NPAS3: variants seen among roughly 807,000 people sequenced by gnomAD.
NPAS3 encodes neuronal PAS domain protein 3.
In NPAS3, 14 loss-of-function variants were observed where a neutral mutation model predicts 73.1. The observed-to-expected ratio is 0.19, with a 90% CI of 0.13 to 0.30. The LOEUF is 0.30. Ranked by LOEUF, NPAS3 falls within the 10% of genes least tolerant of loss-of-function variation. NPAS3 has a pLI of 1.00. For missense variants in NPAS3, 1,096 were observed against 1,250.0 expected, an observed-to-expected ratio of 0.88 and a Z score of 1.86; for synonymous variants, 620 against 541.5, an observed-to-expected ratio of 1.14 and a Z score of -2.01.
At chr14:33,704,770 G>C (rs569277392) in intron 6 of NPAS3, among the ~76,000 whole-genome samples, 1 of 152,186 alleles carries the variant, frequency 6.6e-6, no homozygotes, top group Non-Finnish European at 1.5e-5. Context: ...GCGGCTTGAC[G>C]TGCACCAAGG....
At chr14:32,970,097 TTTTA>T (rs1369278273) in intron 1 of NPAS3, among the ~76,000 whole-genome samples, 1 of 152,172 alleles carries the variant, frequency 6.6e-6, no homozygotes, top group Non-Finnish European at 1.5e-5. Context: ...AGGAAAATGA[TTTTA>T]TAAACCTCTA....
chr14:33,384,121 A>G (rs1274285166), intron 4 of NPAS3, among the ~76,000 whole-genome samples: 1 of 151,944 alleles, frequency 6.6e-6, no homozygotes, highest in East Asian at 1.9e-4. Context: ...TTAAAACACC[A>G]ATTAGAAATG....
At chr14:33,534,844 G>A (rs1166683878) in intron 4 of NPAS3, among the ~76,000 whole-genome samples, 1 of 152,066 alleles carries the variant, frequency 6.6e-6, no homozygotes, top group Non-Finnish European at 1.5e-5. Context: ...GGGGCACAGT[G>A]GAATGGGGGA....
intron 5 of NPAS3, among the ~76,000 whole-genome samples, chr14:33,620,024 G>A (rs2058033683): frequency 6.6e-6 from 1 of 152,102 alleles, no homozygotes; most frequent in South Asian, 2.1e-4. Flanking sequence ...TCAGCTTGTG[G>A]TGTTTATTTT....
intron 2 of NPAS3, among the ~76,000 whole-genome samples, chr14:33,101,198 G>A (rs113566489): frequency 1.3e-4 from 20 of 152,210 alleles, no homozygotes; most frequent in African/African-American, 4.6e-4. Flanking sequence ...GCATTTCTGA[G>A]TGTTTGCCAA....
chr14:33,016,525 T>TA (rs2039399257), intron 1 of NPAS3, among the ~76,000 whole-genome samples: 1 of 149,310 alleles, frequency 6.7e-6, no homozygotes, highest in Non-Finnish European at 1.5e-5. Context: ...AGTGGTTGTC[T>TA]AAGCATCACA....
chr14:32,973,017 CTTCT>C (rs1036808590), intron 1 of NPAS3, among the ~76,000 whole-genome samples: 6 of 152,202 alleles, frequency 3.9e-5, no homozygotes, highest in African/African-American at 1.2e-4. Context: ...GTCACATTGC[CTTCT>C]TTCTTATATC....
chr14:33,714,620 A>G (rs2060910939), intron 6 of NPAS3, among the ~76,000 whole-genome samples: 1 of 152,176 alleles, frequency 6.6e-6, no homozygotes, highest in African/African-American at 2.4e-5. Flanking sequence ...AGTACTAACT[A>G]TATTTTCTTT....
chr14:33,523,045 C>G (rs1443919417), intron 4 of NPAS3, among the ~76,000 whole-genome samples: 1 of 152,096 alleles, frequency 6.6e-6, no homozygotes, highest in Non-Finnish European at 1.5e-5. Flanking sequence ...TAGTCTGAGC[C>G]ACACACTCTT....
chr14:33,443,735 C>G (rs2049354842), intron 4 of NPAS3, among the ~76,000 whole-genome samples: 1 of 152,164 alleles, frequency 6.6e-6, no homozygotes. Flanking sequence ...AGTTTGCAGG[C>G]AAATGTCTGA....
chr14:33,473,455 G>A (rs1404523168), intron 4 of NPAS3, among the ~76,000 whole-genome samples: 1 of 152,120 alleles, frequency 6.6e-6, no homozygotes, highest in African/African-American at 2.4e-5. Context: ...AGAGAACAAA[G>A]TAATAATTAA....
At chr14:33,147,697 C>T (rs1476179367) in intron 2 of NPAS3, among the ~76,000 whole-genome samples, 2 of 142,784 alleles carry the variant, frequency 1.4e-5, no homozygotes, top group Non-Finnish European at 3.0e-5. Flanking sequence ...GCACATTGTG[C>T]ACATGTACCC....
At chr14:33,417,991 T>A (rs1473816392) in intron 4 of NPAS3, among the ~76,000 whole-genome samples, 1 of 151,984 alleles carries the variant, frequency 6.6e-6, no homozygotes, top group African/African-American at 2.4e-5. Flanking sequence ...GTTTTAGTGC[T>A]AAAAGTTTGT....
At position 33,098,478 on chromosome 14, in the gene NPAS3, A is replaced by G. The variant is rs755775690; in HGVS notation, c.140+42484A>G. Among the ~76,000 whole-genome samples the G allele has an allele frequency of 3.9e-5, 6 of 152,178 alleles. No individual in the cohort carries two copies. The East Asian group carries it at 9.6e-4, about 24-fold the overall frequency. On this transcript the variant is annotated intron_variant, in intron 2 of 11. Coordinates refer to ENST00000356141, the Ensembl canonical transcript of NPAS3. The stretch of plus-strand genomic sequence containing the variant: ...TAGTACTGTCCTAGACACTTTGCCT[A>G]GTGATGTATTTCAATACTCAAAATG...
chr14:33,451,720 A>G (rs1038457621), intron 4 of NPAS3, among the ~76,000 whole-genome samples: 2 of 152,126 alleles, frequency 1.3e-5, no homozygotes, highest in African/African-American at 4.8e-5. Flanking sequence ...ATCTTTGCAC[A>G]TTTTCTTGTG....
chr14:33,777,589 A>C (rs376499675), intron 8 of NPAS3, among the ~76,000 whole-genome samples: 1 of 151,918 alleles, frequency 6.6e-6, no homozygotes, highest in Non-Finnish European at 1.5e-5. Context: ...AAGAGTAAAG[A>C]GAATAAATTA....
intron 4 of NPAS3, among the ~76,000 whole-genome samples, chr14:33,392,222 C>A (rs2047038161): frequency 6.6e-6 from 1 of 151,954 alleles, no homozygotes; most frequent in African/African-American, 2.4e-5. Context: ...TTAAAATTAC[C>A]CCTGGATTGT....
intron 4 of NPAS3, among the ~76,000 whole-genome samples, chr14:33,498,505 T>A (rs951879887): frequency 7.9e-5 from 12 of 152,156 alleles, no homozygotes; most frequent in Non-Finnish European, 2.9e-5. Flanking sequence ...TGGAGTACTA[T>A]GCAGCCATAA....
At chr14:33,576,388 G>A (rs1336985544) in intron 5 of NPAS3, among the ~76,000 whole-genome samples, 1 of 152,070 alleles carries the variant, frequency 6.6e-6, no homozygotes, top group African/African-American at 2.4e-5. Context: ...TTACTTTTTG[G>A]TGTCTGTCGC....
Sources: allele counts gnomAD v4.1 joint callset (sites outside exome capture counted in the v4.1 genomes callset), GRCh38; gene constraint gnomAD v4.1.1; transcripts MANE v1.5; gene names NCBI Gene and HGNC (gene_info 2026-07-23, HGNC 2026-07-21).